The following SLC38A11 variants were observed in gnomAD, a reference collection of about 807,000 sequenced individuals.
SLC38A11 encodes the protein putative sodium-coupled neutral amino acid transporter 11.
In SLC38A11, 51 loss-of-function variants were observed where a neutral mutation model predicts 49.4. That is an observed-to-expected ratio of 1.03 (90% confidence interval 0.83 to 1.30). SLC38A11 has a LOEUF of 1.30. Ranked by LOEUF, SLC38A11 falls within the 50% of genes most tolerant of loss-of-function variation. The pLI is 0.00. For missense variants in SLC38A11, 574 were observed against 556.2 expected (o/e 1.03, Z -0.32); for synonymous variants, 203 against 192.9 (o/e 1.05, Z -0.43).
intron 7 of SLC38A11, among the ~76,000 whole-genome samples, chr2:164,917,797 C>T (rs1364219683): frequency 2.0e-5 from 3 of 152,068 alleles, no homozygotes; most frequent in East Asian, 3.9e-4. Flanking sequence ...GTAGAAGTTT[C>T]ATTTTCATTT....
chr2:164,944,669 GC>G, intron 4 of SLC38A11, 35 bp from the exon 5 acceptor site: 1 of 849,498 alleles, frequency 1.2e-6, no homozygotes, highest in Non-Finnish European at 1.6e-6. Context: ...TCATCAATAA[GC>G]CATCTCATAT....
At chr2:164,904,223 A>C (rs1211172359) in intron 11 of SLC38A11, among the ~76,000 whole-genome samples, 1 of 152,182 alleles carries the variant, frequency 6.6e-6, no homozygotes, top group East Asian at 1.9e-4. Flanking sequence ...TGCGAGTAGA[A>C]ACCCATAGGG....
intron 6 of SLC38A11, among the ~76,000 whole-genome samples, chr2:164,938,778 C>G (rs1208224955): frequency 6.6e-6 from 1 of 152,114 alleles, no homozygotes; most frequent in East Asian, 1.9e-4. Context: ...ATAAACAACT[C>G]TTTTTAAAAA....
chr2:164,930,088 G>A (rs527870795), intron 7 of SLC38A11, among the ~76,000 whole-genome samples: 1 of 151,920 alleles, frequency 6.6e-6, no homozygotes, highest in African/African-American at 2.4e-5. Context: ...TGACCCCACA[G>A]AAATACAAAT....
At chr2:164,909,464 G>A (rs1380206230) in intron 10 of SLC38A11, among the ~76,000 whole-genome samples, 2 of 151,314 alleles carry the variant, frequency 1.3e-5, no homozygotes, top group Non-Finnish European at 2.9e-5. Flanking sequence ...AAAAAAGCAA[G>A]TAGAGATCAA....
chr2:164,934,758 T>C (rs1687241972), intron 7 of SLC38A11, among the ~76,000 whole-genome samples: 1 of 152,182 alleles, frequency 6.6e-6, no homozygotes, highest in African/African-American at 2.4e-5. Flanking sequence ...AGTTTGGTCT[T>C]ACACAATTAA....
chr2:164,918,346 T>C (rs867709219), intron 7 of SLC38A11, among the ~76,000 whole-genome samples: 1 of 152,090 alleles, frequency 6.6e-6, no homozygotes. Flanking sequence ...TATTAATAGA[T>C]ATTGGTGTAA....
At chr2:164,926,869 G>A (rs1418087557) in intron 7 of SLC38A11, among the ~76,000 whole-genome samples, 2 of 122,272 alleles carry the variant, frequency 1.6e-5, no homozygotes, top group South Asian at 3.2e-4. Context: ...GTTGTGGGGT[G>A]GGGGGAGGGG....
chr2:164,912,651 T>G (rs1458183840), intron 9 of SLC38A11, among the ~76,000 whole-genome samples: 1 of 152,018 alleles, frequency 6.6e-6, no homozygotes, highest in Non-Finnish European at 1.5e-5. Flanking sequence ...TCATGGCACC[T>G]CATGAGCCCA....
chr2:164,954,676 C>T lies in SLC38A11; in HGVS notation c.109G>A (p.Ala37Thr). ...ATCGAGTTGACAACATTAAAAAGAG[C>T]AGCAGACTGACAGGTTTTCTCTTTA... ...EYKEKTCQSA[A>T]LFNVVNSIIG... is the part of the protein sequence containing the mutation. The change falls in exon 2 of 12, where the codon GCT becomes ACT. Residue 37 changes from alanine (A) to threonine (T), a missense_variant. Coordinates refer to ENST00000685975, the MANE Select transcript of SLC38A11 (RefSeq NM_001351537.2). 6.5e-7 allele frequency: 1 copy of T among 1,542,546 alleles called. No homozygotes were observed. The highest frequency in any genetic ancestry group is 8.8e-7 in the Non-Finnish European group (1 of 1,142,178).
intron 7 of SLC38A11, among the ~76,000 whole-genome samples, chr2:164,922,852 G>T (rs1252619155): frequency 6.6e-6 from 1 of 152,070 alleles, no homozygotes; most frequent in African/African-American, 2.4e-5. Context: ...AACCAAAGAA[G>T]CATCATACTA....
chr2:164,912,966 C>A (rs539499441), intron 9 of SLC38A11, among the ~76,000 whole-genome samples: 2 of 151,886 alleles, frequency 1.3e-5, no homozygotes, highest in Non-Finnish European at 2.9e-5. Context: ...CTGTATATAA[C>A]GTGCTTAAAT....
chr2:164,931,169 G>A (rs2390128), intron 7 of SLC38A11, among the ~76,000 whole-genome samples: 115,276 of 148,156 alleles, frequency 0.78, 45,038 homozygotes, highest in East Asian at 1. Context: ...CACACAAAAA[G>A]TACCTAGGAA....
At chr2:164,952,255 G>A (rs1688572748) in intron 3 of SLC38A11, among the ~76,000 whole-genome samples, 1 of 152,178 alleles carries the variant, frequency 6.6e-6, no homozygotes, top group South Asian at 2.1e-4. Flanking sequence ...GCAGGCATAA[G>A]CCAGGCGGAG....
chr2:164,919,310 A>G (rs1280347532), intron 7 of SLC38A11, among the ~76,000 whole-genome samples: 1 of 152,180 alleles, frequency 6.6e-6, no homozygotes, highest in African/African-American at 2.4e-5. Context: ...AGCTTGGTCA[A>G]TAGAGTACGA....
chr2:164,950,773 C>T (rs1040566938), intron 3 of SLC38A11, among the ~76,000 whole-genome samples: 1 of 152,088 alleles, frequency 6.6e-6, no homozygotes, highest in Non-Finnish European at 1.5e-5. Flanking sequence ...GAAAAACTTG[C>T]TGTTGAACTG....
At chr2:164,927,770 C>A (rs764540657) in intron 7 of SLC38A11, among the ~76,000 whole-genome samples, 4 of 152,136 alleles carry the variant, frequency 2.6e-5, no homozygotes, top group Non-Finnish European at 5.9e-5. Context: ...ACAGGTTAGG[C>A]TAAGGACCCT....
intron 5 of SLC38A11, among the ~76,000 whole-genome samples, chr2:164,940,368 TAGTC>T (rs1413799695): frequency 6.6e-6 from 1 of 151,008 alleles, no homozygotes; most frequent in Non-Finnish European, 1.5e-5. Context: ...CTAATTAAAA[TAGTC>T]ATTTAAGGAG....
At position 164,895,846 on chromosome 2, in the gene SLC38A11, A is replaced by AACAATGACTTATTAT. The variant is rs1684369528; in HGVS notation, c.*2590_*2591insATAATAAGTCATTGT. 6.6e-6 allele frequency: 1 copy of AACAATGACTTATTAT among 152,216 alleles called. No individual in the cohort carries two copies. 9.4% of individuals were successfully genotyped at this position (152,216 alleles called of 1,614,324 possible). On this transcript the variant is annotated 3_prime_UTR_variant, in exon 12 of 12. Coordinates refer to ENST00000685975, the MANE Select transcript of SLC38A11 (RefSeq NM_001351537.2). The stretch of plus-strand genomic sequence containing the variant: ...GATAATAAAGATTCTATAATAAGTG[A>AACAATGACTTATTAT]ACAATGACTCAATTTCTAAATTACA...
Sources: gnomAD v4.1 joint callset for allele counts (sites outside exome capture counted in the v4.1 genomes callset) on GRCh38, gnomAD v4.1.1 for gene constraint, MANE v1.5 for transcripts, NCBI Gene and HGNC (gene_info 2026-07-23, HGNC 2026-07-21) for gene names.